The following BBS9 variants were observed in gnomAD, a reference collection of about 807,000 sequenced individuals.
The protein encoded by BBS9 is protein PTHB1.
Under a neutral mutation model 117.7 loss-of-function variants are expected in BBS9, and 89 were observed. That is an observed-to-expected ratio of 0.76 (90% CI 0.64 to 0.90). BBS9 has a LOEUF of 0.90. BBS9 is among the 40% of genes least tolerant of loss of function. The pLI is 0.00. For missense variants in BBS9, 982 were observed against 1,042.2 expected (o/e 0.94, Z 0.80); for synonymous variants, 379 against 370.9 (o/e 1.02, Z -0.25).
chr7:33,549,685 CATCACTGGCCATCA>C (rs1209443387), intron 21 of BBS9, among the ~76,000 whole-genome samples: 1 of 151,882 alleles, frequency 6.6e-6, no homozygotes. Flanking sequence ...AAATGCTCAT[CATCACTGGCCATCA>C]GAGAAATGCA....
chr7:33,250,511 G>T, intron 5 of BBS9, among the ~76,000 whole-genome samples: 1 of 152,116 alleles, frequency 6.6e-6, no homozygotes, highest in Middle Eastern at 3.2e-3. Context: ...AAACTTTCAT[G>T]GCTTTTTCTG....
intron 2 of BBS9, among the ~76,000 whole-genome samples, chr7:33,149,747 G>A (rs1369296358): frequency 6.6e-6 from 1 of 152,198 alleles, no homozygotes; most frequent in Non-Finnish European, 1.5e-5. Flanking sequence ...CTTGAAATCT[G>A]TGAGAGTCAG....
intron 19 of BBS9, among the ~76,000 whole-genome samples, chr7:33,402,162 T>A (rs1480117130): frequency 1.3e-5 from 2 of 152,154 alleles, no homozygotes; most frequent in African/African-American, 4.8e-5. Context: ...CTGTGGTTTT[T>A]ATTTGTTTGT....
intron 12 of BBS9, among the ~76,000 whole-genome samples, chr7:33,347,945 C>G (rs921899808): frequency 3.3e-5 from 5 of 151,656 alleles, no homozygotes; most frequent in African/African-American, 4.8e-5. Flanking sequence ...AATTTTTTTT[C>G]TCATGACATA....
intron 4 of BBS9, among the ~76,000 whole-genome samples, chr7:33,162,260 A>G (rs1794975796): frequency 6.6e-6 from 1 of 152,132 alleles, no homozygotes; most frequent in Non-Finnish European, 1.5e-5. Flanking sequence ...TCAGCTTTCT[A>G]CATATGGCTA....
At chr7:33,356,348 T>C (rs1397150926) in intron 15 of BBS9, among the ~76,000 whole-genome samples, 1 of 151,936 alleles carries the variant, frequency 6.6e-6, no homozygotes, top group South Asian at 2.1e-4. Flanking sequence ...TCTTAGATCA[T>C]GTTACCATAA....
intron 13 of BBS9, 164 bp downstream of exon 13, chr7:33,349,334 C>A: frequency 1.5e-6 from 1 of 660,264 alleles, no homozygotes; most frequent in Non-Finnish European, 2.8e-6. Flanking sequence ...TTAGCATCAG[C>A]ATGAACGTTC....
chr7:33,368,318 T>C (rs958279803), intron 17 of BBS9, among the ~76,000 whole-genome samples: 2 of 152,180 alleles, frequency 1.3e-5, no homozygotes, highest in Admixed American at 1.3e-4. Flanking sequence ...TGAAAGTGGA[T>C]AGCTTTTGCT....
At chr7:33,488,817 C>T (rs1843468507) in intron 19 of BBS9, among the ~76,000 whole-genome samples, 2 of 152,104 alleles carry the variant, frequency 1.3e-5, no homozygotes, top group African/African-American at 4.8e-5. Flanking sequence ...CTCTCAGTCT[C>T]TTCCATTTTA....
At chr7:33,557,572 T>A (rs1258161075) in intron 21 of BBS9, among the ~76,000 whole-genome samples, 7 of 152,166 alleles carry the variant, frequency 4.6e-5, no homozygotes, top group African/African-American at 1.7e-4. Context: ...GTCCTTTGGA[T>A]ACAATGGACT....
intron 5 of BBS9, among the ~76,000 whole-genome samples, chr7:33,196,853 T>G (rs1381035871): frequency 6.6e-6 from 1 of 152,168 alleles, no homozygotes; most frequent in Non-Finnish European, 1.5e-5. Context: ...TAAAATAATG[T>G]TACTTTCAAA....
chr7:33,226,641 A>G (rs1468902006), intron 5 of BBS9, among the ~76,000 whole-genome samples: 1 of 152,222 alleles, frequency 6.6e-6, no homozygotes, highest in Non-Finnish European at 1.5e-5. Flanking sequence ...AAGCAACTCA[A>G]GTGTTCAATG....
intron 20 of BBS9, among the ~76,000 whole-genome samples, chr7:33,522,268 C>G (rs1257535842): frequency 1.1e-4 from 16 of 152,046 alleles, no homozygotes; most frequent in South Asian, 2.1e-4. Context: ...ACCCAGTAAT[C>G]GGATTGTTGG....
intron 19 of BBS9, among the ~76,000 whole-genome samples, chr7:33,496,504 C>CAA (rs752966406): frequency 3.3e-5 from 4 of 122,526 alleles, no homozygotes; most frequent in African/African-American, 6.1e-5. Context: ...GACTCCATCT[C>CAA]AAAAAAAAAA....
chr7:33,605,265 C>G lies in BBS9; in HGVS notation c.*39C>G. On this transcript the variant is annotated 3_prime_UTR_variant, in exon 23 of 23. Transcript: ENST00000242067. ...GTTTGGTTGAGAGGAACATCCCCAT[C>G]TCAAGGCCGAACCTGTGTGAACCTC... The G allele has an allele frequency of 6.3e-7, 1 of 1,594,866 alleles. No individual in the cohort carries two copies. Among genetic ancestry groups the G allele is most frequent in the Non-Finnish European group, 8.6e-7 (1 of 1,162,524 alleles).
At chr7:33,549,504 G>A (rs1311088661) in intron 21 of BBS9, among the ~76,000 whole-genome samples, 4 of 149,608 alleles carry the variant, frequency 2.7e-5, no homozygotes. Context: ...TACAAAATGG[G>A]AGAAAATTTT....
chr7:33,274,445 T>C (rs965162132), intron 9 of BBS9, among the ~76,000 whole-genome samples: 2 of 152,176 alleles, frequency 1.3e-5, no homozygotes, highest in East Asian at 3.9e-4. Flanking sequence ...TGTATTTAAA[T>C]TGAAAAACAG....
chr7:33,333,587 T>C (rs1814619905), intron 9 of BBS9, among the ~76,000 whole-genome samples: 1 of 151,972 alleles, frequency 6.6e-6, no homozygotes, highest in Non-Finnish European at 1.5e-5. Flanking sequence ...GGAATGCTAC[T>C]CAGCCATAAA....
At chr7:33,453,653 C>G (rs552577789) in intron 19 of BBS9, among the ~76,000 whole-genome samples, 66 of 151,946 alleles carry the variant, frequency 4.3e-4, no homozygotes, top group Middle Eastern at 3.4e-3. Context: ...TCCCGAGTAG[C>G]TAGGATTACA....
Sources: gnomAD v4.1 joint callset for allele counts (sites outside exome capture counted in the v4.1 genomes callset) on GRCh38, gnomAD v4.1.1 for gene constraint, MANE v1.5 for transcripts, NCBI Gene and HGNC (gene_info 2026-07-23, HGNC 2026-07-21) for gene names.